The following EXD3 variants were observed in gnomAD, a reference collection of about 807,000 sequenced individuals.
EXD3 encodes the protein exonuclease mut-7 homolog.
EXD3 carries 92 observed loss-of-function variants against 98.0 expected under a neutral mutation model. The observed-to-expected ratio is 0.94, with a 90% CI of 0.79 to 1.12. The LOEUF is 1.12. Ranked by LOEUF, EXD3 falls within the 50% of genes most tolerant of loss-of-function variation. The probability of loss-of-function intolerance (pLI) is 0.00; values close to 1 mark genes in which losing one functional copy is unlikely to be tolerated. For missense variants in EXD3, 1,222 were observed against 1,191.6 expected, an observed-to-expected ratio of 1.03 and a Z score of -0.38; for synonymous variants, 569 against 526.0, an observed-to-expected ratio of 1.08 and a Z score of -1.12.
chr9:137,328,265 A>AAACAATGAACAAACACCCACGTGATGAG (rs1564476654), intron 17 of EXD3, among the ~76,000 whole-genome samples: 1 of 137,474 alleles, frequency 7.3e-6, no homozygotes, highest in Non-Finnish European at 1.6e-5. Flanking sequence ...AAAACAACAA[A>AAACAATGAACAAACACCCACGTGATGAG]TAAACACCCA....
intron 2 of EXD3, among the ~76,000 whole-genome samples, chr9:137,390,109 G>C (rs1385665032): frequency 1.3e-4 from 10 of 77,214 alleles, no homozygotes; most frequent in African/African-American, 6.1e-4. Flanking sequence ...GTGACAGAGC[G>C]AGACTCTGTC....
At chr9:137,354,599 A>AT in intron 9 of EXD3, 101 bp downstream of exon 9, 1 of 1,564,776 alleles carries the variant, frequency 6.4e-7, no homozygotes, top group Non-Finnish European at 8.6e-7. Flanking sequence ...CTCCTACTTG[A>AT]TATGTCTGTG....
chr9:137,368,076 C>A, intron 5 of EXD3, 87 bp from the exon 6 acceptor site: 1 of 1,109,422 alleles, frequency 9.0e-7, no homozygotes. Flanking sequence ...CCTTTTGCAC[C>A]AGCACCTGGT....
chr9:137,340,339 T>G (rs1038474006), intron 17 of EXD3, among the ~76,000 whole-genome samples: 1 of 152,000 alleles, frequency 6.6e-6, no homozygotes, highest in Non-Finnish European at 1.5e-5. Flanking sequence ...TAGCTGGGTG[T>G]GGCGGTGCGT....
At chr9:137,402,848 G>A (rs562964743) in intron 1 of EXD3, among the ~76,000 whole-genome samples, 1 of 152,272 alleles carries the variant, frequency 6.6e-6, no homozygotes, top group Non-Finnish European at 1.5e-5. Flanking sequence ...CAGAATCACG[G>A]TGGAAGGCGA....
intron 7 of EXD3, 148 bp downstream of exon 7, chr9:137,366,345 C>A: frequency 8.6e-7 from 1 of 1,160,614 alleles, no homozygotes; most frequent in Non-Finnish European, 1.2e-6. Context: ...GCTGCTCCAG[C>A]TGCAGTCACA....
chr9:137,415,679 C>G (rs924354391), intron 1 of EXD3, among the ~76,000 whole-genome samples: 1 of 152,220 alleles, frequency 6.6e-6, no homozygotes, highest in Non-Finnish European at 1.5e-5. Context: ...GAGGTGCCAA[C>G]AGCACATGTT....
chr9:137,382,170 C>CGGAGGAGGTGAGGGTGCGT lies in EXD3; in HGVS notation c.120+1142_120+1143insACGCACCCTCACCTCCTCC, dbSNP rs1554730786. On this transcript the variant is annotated intron_variant, in intron 3 of 21. Transcript: ENST00000340951. Reference sequence around the variant, plus strand: ...GGCGCGGGGAGGAGGTGGGAGCATGCGGAGGAGGTGAGGGCGCGCGGAGGA... The same window carrying CGGAGGAGGTGAGGGTGCGT: ...GGCGCGGGGAGGAGGTGGGAGCATGCGGAGGAGGTGAGGGTGCGTGGAGGAGGTGAGGGCGCGCGGAGGA... Among the ~76,000 whole-genome samples, 11 of 106,760 alleles carry CGGAGGAGGTGAGGGTGCGT rather than the reference C, an allele frequency of 1.0e-4. 1 individual carries two copies. Among genetic ancestry groups the CGGAGGAGGTGAGGGTGCGT allele is most frequent in the Middle Eastern group, 4.8e-3 (1 of 208 alleles). 70.0% of individuals were successfully genotyped at this position (106,760 alleles called of 152,430 possible).
In EXD3 at chr9:137,393,696, C is replaced by G. The variant is rs1255102195; in HGVS notation, c.55+1607G>C. The stretch of plus-strand genomic sequence containing the variant: ...GGGATAGGGAAACTGAGGCAGAGAG[C>G]CTCAGCTGCTGCCATGTGGGAGCAG... On this transcript the variant is annotated intron_variant, in intron 2 of 21. Coordinates refer to ENST00000340951, the MANE Select transcript of EXD3 (RefSeq NM_017820.5). This position sits in a 1 kb window ranked among gnomAD's most constrained non-coding sequence, Gnocchi z 4.6. Among the ~76,000 whole-genome samples the G allele has an allele frequency of 6.6e-6, 1 of 152,172 alleles. No homozygotes were observed. Among genetic ancestry groups the G allele is most frequent in the Non-Finnish European group, 1.5e-5 (1 of 68,016 alleles).
rs796627087 is a variant in EXD3, at chr9:137,371,052, G to A, written c.462+1853C>T. Among the ~76,000 whole-genome samples the A allele has an allele frequency of 1.2e-4, 18 of 152,302 alleles. No individual in the cohort carries two copies. Among genetic ancestry groups the A allele is most frequent in the African/African-American group, 3.6e-4 (15 of 41,572 alleles). On this transcript the variant is annotated intron_variant, in intron 5 of 21. Coordinates refer to ENST00000340951, the MANE Select transcript of EXD3 (RefSeq NM_017820.5). This position sits in a 1 kb window ranked among gnomAD's most constrained non-coding sequence, Gnocchi z 8.0. Reference sequence around the variant, plus strand: ...CATCGCCTGCCGGGCGGCCCCGCTCGGGGACAATGGCTTTCTTCGCAGAAG... The same window carrying A: ...CATCGCCTGCCGGGCGGCCCCGCTCAGGGACAATGGCTTTCTTCGCAGAAG...
At chr9:137,422,872 G>A (rs574298544) in intron 1 of EXD3, among the ~76,000 whole-genome samples, 1 of 152,168 alleles carries the variant, frequency 6.6e-6, no homozygotes, top group South Asian at 2.1e-4. Context: ...GGGGTCGCCG[G>A]GGTCGGCTCA....
intron 1 of EXD3, among the ~76,000 whole-genome samples, chr9:137,410,892 C>G (rs1335343148): frequency 5.9e-5 from 9 of 152,122 alleles, no homozygotes; most frequent in African/African-American, 9.7e-5. Flanking sequence ...CCTGGAGCCC[C>G]AGCCCCCGGC....
At chr9:137,411,559 C>T (rs543153613) in intron 1 of EXD3, among the ~76,000 whole-genome samples, 7 of 152,012 alleles carry the variant, frequency 4.6e-5, no homozygotes, top group Admixed American at 1.3e-4. Flanking sequence ...CCTTGAAGGA[C>T]CCCACAAGAA....
In EXD3 at chr9:137,383,386, A is replaced by G; in HGVS notation, c.56-9T>C. The G allele has an allele frequency of 5.8e-6, 9 of 1,538,938 alleles. No homozygotes were observed. The highest frequency in any genetic ancestry group is 7.9e-6 in the Non-Finnish European group (9 of 1,140,338). On this transcript the variant is annotated splice_polypyrimidine_tract_variant and intron_variant, in intron 2 of 21. Transcript: ENST00000340951. ...CAGGAGGGGGTCCCGGCCTGTGGAG[A>G]TAAGATAACAGCCGTGGGAGGGAGA... is the stretch of plus-strand genomic sequence containing the variant.
Position 137,319,386 on chromosome 9 carries a change from G to T in EXD3, c.2184+4339C>A, listed in dbSNP as rs567915680. 1.3e-3 allele frequency among the ~76,000 whole-genome samples: 195 copies of T among 152,326 alleles called. 1 individual carries two copies. The highest frequency in any genetic ancestry group is 2.4e-3 in the Non-Finnish European group (166 of 68,020). Reference sequence around the variant, plus strand: ...CCTACCTCTTTGGCCCTGAGGATGGGCCTCTCTTCACCTCTGGGGTAGGGA... The same window carrying T: ...CCTACCTCTTTGGCCCTGAGGATGGTCCTCTCTTCACCTCTGGGGTAGGGA... On this transcript the variant is annotated intron_variant, in intron 19 of 21. Transcript: ENST00000340951.
At chr9:137,321,649 C>T (rs1832036989) in intron 19 of EXD3, among the ~76,000 whole-genome samples, 1 of 152,190 alleles carries the variant, frequency 6.6e-6, no homozygotes, top group Non-Finnish European at 1.5e-5. Context: ...CATCACTACA[C>T]TCCAGCCTGG....
intron 19 of EXD3, among the ~76,000 whole-genome samples, chr9:137,309,936 T>G (rs1262016895): frequency 6.6e-6 from 1 of 152,238 alleles, no homozygotes; most frequent in Non-Finnish European, 1.5e-5. Flanking sequence ...CTTCTGTTTT[T>G]TGAGAACTTG....
At chr9:137,366,142 A>G (rs1260893915) in intron 7 of EXD3, 7 of 699,736 alleles carry the variant, frequency 1.0e-5, no homozygotes, top group Non-Finnish European at 1.8e-5. Context: ...GTCACACACC[A>G]AGTGCTTCCA....
intron 17 of EXD3, among the ~76,000 whole-genome samples, chr9:137,328,334 CACTCAT>C: frequency 2.0e-5 from 3 of 151,536 alleles, no homozygotes; most frequent in Admixed American, 6.6e-5. Context: ...AACTAATATA[CACTCAT>C]ATGATGAGTA....
Sources: allele counts gnomAD v4.1 joint callset (sites outside exome capture counted in the v4.1 genomes callset), GRCh38; gene constraint gnomAD v4.1.1; non-coding constraint Gnocchi (gnomAD v3.1); transcripts MANE v1.5; gene names NCBI Gene and HGNC (gene_info 2026-07-23, HGNC 2026-07-21).